Variants in EIF4A3 observed in about 807,000 individuals in gnomAD.
The protein encoded by EIF4A3 is eukaryotic initiation factor 4A-III.
Under a neutral mutation model 55.6 loss-of-function variants are expected in EIF4A3, and 1 was observed. The ratio of observed to expected loss-of-function variants is 0.02; its 90% CI spans 0.01 to 0.09. The LOEUF is 0.09. Among genes scored for constraint, EIF4A3 ranks in the 10% least tolerant of loss-of-function variants. EIF4A3 has a pLI of 1.00. For missense variants in EIF4A3, 221 were observed against 540.7 expected, an observed-to-expected ratio of 0.41 and a Z score of 5.86; for synonymous variants, 194 against 196.3, an observed-to-expected ratio of 0.99 and a Z score of 0.10.
intron 7 of EIF4A3, 78 bp downstream of exon 7, chr17:80,138,943 A>G (rs1179528643): frequency 2.5e-6 from 4 of 1,569,770 alleles, no homozygotes; most frequent in African/African-American, 2.7e-5. Context: ...GGCTATAAAA[A>G]GTTTTTGAAA....
chr17:80,144,679 A>AC lies in EIF4A3; in HGVS notation c.170-436_170-435insG, dbSNP rs879600711. On this transcript the variant is annotated intron_variant, in intron 1 of 11. Transcript: ENST00000649764. ...ATACTACTTTTTAAATTAAAAAAAA[A>AC]AACAACAAAAAAACAGGAAAGTCAC... is the stretch of plus-strand genomic sequence containing the variant. Among the ~76,000 whole-genome samples the AC allele has an allele frequency of 2.3e-4, 35 of 152,206 alleles. No homozygotes were observed. The East Asian group carries it at 4.6e-3, about 20-fold the overall frequency.
chr17:80,135,173 G>T lies in EIF4A3; in HGVS notation c.*317C>A. On this transcript the variant is annotated 3_prime_UTR_variant, in exon 12 of 12. Transcript: ENST00000649764. Reference sequence around the variant, plus strand: ...TCAAAAAAAAAAAAGAAAAAGAAAAGAAAAAAAGAAAAGTGAGTGAAATGA... The same window carrying T: ...TCAAAAAAAAAAAAGAAAAAGAAAATAAAAAAAGAAAAGTGAGTGAAATGA... 3.7e-6 allele frequency: 1 copy of T among 271,040 alleles called. No individual in the cohort carries two copies. The highest frequency in any genetic ancestry group is 6.9e-6 in the Non-Finnish European group (1 of 145,880). The allele number at this position is 271,040 out of a possible 1,614,324, so 16.8% of individuals were successfully genotyped here. A position where few individuals can be genotyped will look rare whatever the true frequency, so the allele number is the denominator to read the frequency against.
intron 1 of EIF4A3, among the ~76,000 whole-genome samples, chr17:80,144,655 T>C (rs999092994): frequency 6.6e-6 from 1 of 151,724 alleles, no homozygotes; most frequent in Non-Finnish European, 1.5e-5. Context: ...AAACAACCTA[T>C]ACTACTTTTT....
chr17:80,142,958 G>C (rs766964172), intron 2 of EIF4A3, among the ~76,000 whole-genome samples: 1 of 152,204 alleles, frequency 6.6e-6, no homozygotes, highest in South Asian at 2.1e-4. Flanking sequence ...AGGATCGCTT[G>C]AGGCTGCTAT....
In EIF4A3 at chr17:80,144,201, C is replaced by A; in HGVS notation, c.213G>T (p.Gln71His). The change falls in exon 2 of 12, where the codon CAG (glutamine) becomes CAT (histidine). Residue 71 changes from glutamine to histidine, a missense_variant. Physicochemically the swap from Gln to His is conservative, Grantham distance 24 (BLOSUM62 0). Around this residue, in one of 4 missense-constraint regions of EIF4A3, gnomAD observed 85 missense variants for 205.8 expected, o/e 0.41. Coordinates refer to ENST00000649764, the MANE Select transcript of EIF4A3 (RefSeq NM_014740.4). The part of the protein sequence containing the change: ...PSAIQQRAIK[Q>H]IIKGRDVIAQ... ...CGATGACATCTCTCCCTTTGATGAT[C>A]TGCTTGATTGCTCGTTGCTGGATTG... 1 of 1,614,130 alleles carries A rather than the reference C, an allele frequency of 6.2e-7. No individual in the cohort carries two copies. The highest frequency in any genetic ancestry group is 8.5e-7 in the Non-Finnish European group (1 of 1,180,026).
rs113819134 is a variant in EIF4A3 at position 80,147,001 on chromosome 17, C to T, written c.-40G>A. On this transcript the variant is annotated 5_prime_UTR_variant, in exon 1 of 12. Transcript: ENST00000649764. ...GGAAGAGCACAGCGCGCGCCGCTGCCGACCTCGCTGCCGCTGCCGACCTCG... is the reference window on the plus strand; with the variant it reads ...GGAAGAGCACAGCGCGCGCCGCTGCTGACCTCGCTGCCGCTGCCGACCTCG... 1 of 1,479,558 alleles carries T rather than the reference C, an allele frequency of 6.8e-7. No homozygotes were observed. Among genetic ancestry groups the T allele is most frequent in the East Asian group, 2.7e-5 (1 of 37,516 alleles). The allele number at this position is 1,479,558 out of a possible 1,614,324, so 91.7% of individuals were successfully genotyped here. A position where few individuals can be genotyped will look rare whatever the true frequency, so the allele number is the denominator to read the frequency against.
chr17:80,142,851 C>T (rs1275214629), intron 2 of EIF4A3, among the ~76,000 whole-genome samples: 1 of 151,926 alleles, frequency 6.6e-6, no homozygotes, highest in African/African-American at 2.4e-5. Context: ...GCAGCCTGGG[C>T]AACACAACAA....
In EIF4A3 at chr17:80,146,872, G is replaced by A. The variant is rs78918245; in HGVS notation, c.90C>T (p.Thr30=). Residue 30 remains threonine, a synonymous_variant, in exon 1 of 12, where the codon ACC becomes ACT. Coordinates refer to ENST00000649764, the MANE Select transcript of EIF4A3 (RefSeq NM_014740.4). ...EEDMTKVEFE[T]SEEVDVTPTF... ...TGGGGGTCACATCCACCTCCTCGCTGGTCTCGAATTCCACTTTAGTCATGT... is the reference window on the plus strand; with the variant it reads ...TGGGGGTCACATCCACCTCCTCGCTAGTCTCGAATTCCACTTTAGTCATGT... The A allele has an allele frequency of 2.3e-3, 3,694 of 1,611,532 alleles. 72 individuals carry two copies. The African/African-American group carries it at 0.042, about 18-fold the overall frequency.
Position 80,146,889 on chromosome 17 carries a change from T to C in EIF4A3, c.73A>G (p.Lys25Glu). The C allele has an allele frequency of 2.5e-6, 4 of 1,611,344 alleles. No individual in the cohort carries two copies. The highest frequency in any genetic ancestry group is 2.5e-6 in the Non-Finnish European group (3 of 1,179,036). ...TCCTCGCTGGTCTCGAATTCCACTT[T>C]AGTCATGTCTTCCTCTTTGAGCAGC... ...KRLLKEEDMT[K>E]VEFETSEEVD... is the part of the protein sequence containing the mutation. Residue 25 changes from lysine (K) to glutamate (E), a missense_variant, in exon 1 of 12, where the codon AAA (lysine) becomes GAA (glutamate). Physicochemically the swap from Lys to Glu is moderately conservative, Grantham distance 56. Coordinates refer to ENST00000649764, the MANE Select transcript of EIF4A3 (RefSeq NM_014740.4).
rs528804777 is a variant in EIF4A3 at position 80,134,874 on chromosome 17, G to T, written c.*616C>A. On this transcript the variant is annotated 3_prime_UTR_variant, in exon 12 of 12. Coordinates refer to ENST00000649764, the MANE Select transcript of EIF4A3 (RefSeq NM_014740.4). ...ATTAGAAAAGTGAGTGAAATGGGCC[G>T]GGTGCAGTGGCTCACGCCTGTAATC... Among the ~76,000 whole-genome samples the T allele has an allele frequency of 6.6e-6, 1 of 151,656 alleles. No individual in the cohort carries two copies. Among genetic ancestry groups the T allele is most frequent in the Admixed American group, 6.6e-5 (1 of 15,240 alleles).
chr17:80,146,991 G>C lies in EIF4A3; in HGVS notation c.-30C>G. 1 of 1,563,670 alleles carries C rather than the reference G, an allele frequency of 6.4e-7. No homozygotes were observed. Among genetic ancestry groups the C allele is most frequent in the Non-Finnish European group, 8.6e-7 (1 of 1,160,580 alleles). ...CAGAGTCCGCGGAAGAGCACAGCGC[G>C]CGCCGCTGCCGACCTCGCTGCCGCT... On this transcript the variant is annotated 5_prime_UTR_variant, in exon 1 of 12. Transcript: ENST00000649764.
chr17:80,136,047 G>C lies in EIF4A3; in HGVS notation c.1176C>G (p.Ile392Met). The C allele has an allele frequency of 6.2e-7, 1 of 1,614,128 alleles. No individual in the cohort carries two copies. The highest frequency in any genetic ancestry group is 8.5e-7 in the Non-Finnish European group (1 of 1,180,038). ...CAATCTGAGTGGAATAGTACTGCTCGATATCTCTGAGGATGCGGATGTCGT... is the reference window on the plus strand; with the variant it reads ...CAATCTGAGTGGAATAGTACTGCTCCATATCTCTGAGGATGCGGATGTCGT... ...KNDDIRILRDIEQYYSTQIDE... is the reference protein window; with the variant it reads ...KNDDIRILRDMEQYYSTQIDE... The change falls in exon 11 of 12, where the codon ATC becomes ATG. Residue 392 changes from isoleucine (I) to methionine (M), a missense_variant. Physicochemically the swap from Ile to Met is conservative, Grantham distance 10 (BLOSUM62 1). Around this residue, in one of 4 missense-constraint regions of EIF4A3, gnomAD observed 93 missense variants for 278.5 expected, o/e 0.33. Transcript: ENST00000649764.
chr17:80,136,810 G>GAAA (rs3035988), intron 9 of EIF4A3: 26,611 of 132,370 alleles, frequency 0.2, 2,733 homozygotes, highest in East Asian at 0.25. Flanking sequence ...TACTAAAAAT[G>GAAA]AAAAAAAAAA....
chr17:80,144,168 T>G lies in EIF4A3; in HGVS notation c.242+4A>C, dbSNP rs144639083. On this transcript the variant is annotated splice_donor_region_variant and intron_variant, in intron 2 of 11. Coordinates refer to ENST00000649764, the MANE Select transcript of EIF4A3 (RefSeq NM_014740.4). Reference sequence around the variant, plus strand: ...GCCCTGCGCCGCACCCCAGGACAACTTACTGTGCGATGACATCTCTCCCTT... The same window carrying G: ...GCCCTGCGCCGCACCCCAGGACAACGTACTGTGCGATGACATCTCTCCCTT... The G allele has an allele frequency of 1.9e-4, 309 of 1,614,058 alleles. 2 individuals carry two copies. The East Asian group carries it at 6.6e-3, about 35-fold the overall frequency.
Position 80,147,047 on chromosome 17 carries a change from C to CTGCCGCTGCCGACCTCGCTA in EIF4A3, c.-87_-86insTAGCGAGGTCGGCAGCGGCA. 8.7e-7 allele frequency: 1 copy of CTGCCGCTGCCGACCTCGCTA among 1,155,618 alleles called. No homozygotes were observed. The highest frequency in any genetic ancestry group is 1.1e-6 in the Non-Finnish European group (1 of 943,326). 71.6% of individuals were successfully genotyped at this position (1,155,618 alleles called of 1,614,324 possible). On this transcript the variant is annotated 5_prime_UTR_variant, in exon 1 of 12. Transcript: ENST00000649764. ...CCTCGCTGTGCCGCTGCCGACCTCG[C>CTGCCGCTGCCGACCTCGCTA]TGCCGCTGCCGACCTCGCTGTGCCG...
chr17:80,138,775 T>C (rs967983257), intron 7 of EIF4A3: 1 of 463,862 alleles, frequency 2.2e-6, no homozygotes, highest in Non-Finnish European at 3.8e-6. Flanking sequence ...TTTTTATTAT[T>C]GGTAGAGATA....
intron 8 of EIF4A3, 87 bp from the exon 9 acceptor site, chr17:80,137,588 A>G (rs944929158): frequency 1.0e-6 from 1 of 987,600 alleles, no homozygotes; most frequent in African/African-American, 1.6e-5. Context: ...CATTTGCAGA[A>G]CCAGTATCAA....
Position 80,139,730 on chromosome 17 carries a change from G to A in EIF4A3, c.526C>T (p.Leu176=), listed in dbSNP as rs192490769. ...AACATTTTGATAGCACGTGTCCTTA[G>A]GCTTCTGCGACGAATCATATCTATA... ...RVFDMIRRRS[L]RTRAIKMLVL... is the part of the protein sequence containing the mutation. Residue 176 remains leucine (L), a synonymous_variant, in exon 6 of 12, where the codon CTA becomes TTA. Transcript: ENST00000649764. 6.2e-7 allele frequency: 1 copy of A among 1,613,518 alleles called. No individual in the cohort carries two copies. The highest frequency in any genetic ancestry group is 2.2e-5 in the East Asian group (1 of 44,858).
In EIF4A3 at chr17:80,146,946, T is replaced by G. The variant is rs537330257; in HGVS notation, c.16A>C (p.Thr6Pro). The G allele has an allele frequency of 6.2e-7, 1 of 1,607,162 alleles. No individual in the cohort carries two copies. Among genetic ancestry groups the G allele is most frequent in the African/African-American group, 1.4e-5 (1 of 73,964 alleles). MATTA[T>P]MATSGSARKR... is the part of the protein sequence containing the mutation. The stretch of plus-strand genomic sequence containing the variant: ...CGCGCCGAGCCCGAGGTCGCCATCG[T>G]GGCCGTGGTCGCCATGATTCAGAGT... Residue 6 changes from threonine (T) to proline (P), a missense_variant, in exon 1 of 12, where the codon ACG becomes CCG. By Grantham distance (38) the Thr-to-Pro change is conservative. Coordinates refer to ENST00000649764, the MANE Select transcript of EIF4A3 (RefSeq NM_014740.4).
Sources: allele counts gnomAD v4.1 joint callset (sites outside exome capture counted in the v4.1 genomes callset), GRCh38; gene constraint gnomAD v4.1.1; regional missense constraint gnomAD v4.1.1; transcripts MANE v1.5; gene names NCBI Gene and HGNC (gene_info 2026-07-23, HGNC 2026-07-21).